Variants in LYN observed in about 807,000 individuals in gnomAD.
The protein encoded by LYN is LYN proto-oncogene, Src family tyrosine kinase, also known as tyrosine-protein kinase Lyn.
Under a neutral mutation model 65.0 loss-of-function variants are expected in LYN, and 12 were observed. The ratio of observed to expected loss-of-function variants is 0.18; its 90% CI spans 0.12 to 0.30. The LOEUF (loss-of-function observed/expected upper bound fraction) is 0.30, where lower values mean the gene tolerates loss of function less well. Among genes scored for constraint, LYN ranks in the 10% least tolerant of loss-of-function variants. The pLI is 1.00. For synonymous variants in LYN, 222 were observed against 221.2 expected, an observed-to-expected ratio of 1.00 and a Z score of -0.03; for missense variants, 380 against 623.2, an observed-to-expected ratio of 0.61 and a Z score of 4.16.
intron 10 of LYN, among the ~76,000 whole-genome samples, chr8:55,974,910 A>G (rs538440026): frequency 6.6e-6 from 1 of 152,252 alleles, no homozygotes; most frequent in Admixed American, 6.5e-5. Context: ...GGTGATTGAC[A>G]TGGTTTGCGG....
intron 10 of LYN, among the ~76,000 whole-genome samples, chr8:55,987,667 C>G (rs192353776): frequency 1.3e-5 from 2 of 152,240 alleles, no homozygotes; most frequent in African/African-American, 4.8e-5. Context: ...CCACCCACCT[C>G]GTCCTCCCAA....
intron 4 of LYN, 115 bp downstream of exon 4, chr8:55,947,838 A>T (rs969669217): frequency 1.4e-6 from 1 of 721,376 alleles, no homozygotes; most frequent in Admixed American, 2.2e-5. Flanking sequence ...CTTTCTTGTA[A>T]TGGGTATGAG....
At chr8:55,999,200 A>G (rs1271859609) in intron 11 of LYN, among the ~76,000 whole-genome samples, 1 of 152,220 alleles carries the variant, frequency 6.6e-6, no homozygotes, top group African/African-American at 2.4e-5. Context: ...GAAATTCCTA[A>G]GCATTGTTGA....
chr8:55,937,960 G>A (rs964381623), intron 1 of LYN, among the ~76,000 whole-genome samples: 5 of 152,150 alleles, frequency 3.3e-5, no homozygotes, highest in African/African-American at 1.2e-4. Flanking sequence ...GCCTCCCAAA[G>A]TTCTGGGATT....
In LYN at chr8:55,986,965, C is replaced by T. The variant is rs201965711; in HGVS notation, c.1051-11381C>T. Among the ~76,000 whole-genome samples the T allele has an allele frequency of 3.3e-5, 5 of 152,282 alleles. No homozygotes were observed. In the East Asian group the frequency reaches 9.6e-4, roughly 29 times the overall value. Reference sequence around the variant, plus strand: ...TTCTGAACTCAAGTGATCCTTCCTGCTAGTCCTCACAAAGCACTGGGATTA... The same window carrying T: ...TTCTGAACTCAAGTGATCCTTCCTGTTAGTCCTCACAAAGCACTGGGATTA... On this transcript the variant is annotated intron_variant, in intron 10 of 12. Transcript: ENST00000519728.
rs553899683 is a variant in LYN at position 55,993,673 on chromosome 8, A to G, written c.1051-4673A>G. ...TTAAGATGAAACATGAATTGAGTGT[A>G]AAGGATGTGAAGCAGTGTTTGGTGT... On this transcript the variant is annotated intron_variant, in intron 10 of 12. Transcript: ENST00000519728. Among the ~76,000 whole-genome samples, 83 of 152,374 alleles carry G rather than the reference A, an allele frequency of 5.4e-4. 1 individual carries two copies. The highest frequency in any genetic ancestry group is 1.8e-3 in the African/African-American group (76 of 41,590).
At chr8:55,993,337 G>A (rs546601281) in intron 10 of LYN, among the ~76,000 whole-genome samples, 5 of 152,260 alleles carry the variant, frequency 3.3e-5, no homozygotes, top group Non-Finnish European at 5.9e-5. Context: ...GGTGAAATTT[G>A]TACTTAACAA....
intron 1 of LYN, among the ~76,000 whole-genome samples, chr8:55,892,683 C>T (rs75467789): frequency 1.4e-3 from 211 of 152,136 alleles, no homozygotes; most frequent in Non-Finnish European, 2.5e-3. Context: ...CCTGGGATTA[C>T]GAGCATGAGC....
At chr8:55,988,416 A>G (rs1430429154) in intron 10 of LYN, among the ~76,000 whole-genome samples, 1 of 151,982 alleles carries the variant, frequency 6.6e-6, no homozygotes, top group Non-Finnish European at 1.5e-5. Flanking sequence ...TTATAAAAAA[A>G]TCCTTTAGAG....
chr8:55,907,412 G>A (rs1805457914), intron 1 of LYN, among the ~76,000 whole-genome samples: 1 of 152,212 alleles, frequency 6.6e-6, no homozygotes, highest in African/African-American at 2.4e-5. Flanking sequence ...AGGGTCATGA[G>A]AGGGGATGCC....
chr8:56,005,305 G>C (rs1271377107), intron 12 of LYN, among the ~76,000 whole-genome samples: 1 of 152,210 alleles, frequency 6.6e-6, no homozygotes, highest in East Asian at 1.9e-4. Context: ...CATGTCTTCA[G>C]TCTTTCTTCT....
intron 1 of LYN, among the ~76,000 whole-genome samples, chr8:55,939,402 A>G (rs1418641309): frequency 2.6e-5 from 4 of 152,146 alleles, no homozygotes; most frequent in Admixed American, 2.6e-4. Flanking sequence ...CCTGTCTTGG[A>G]TGTCACCACC....
chr8:55,948,272 C>A (rs898256823), intron 4 of LYN, among the ~76,000 whole-genome samples: 3 of 152,180 alleles, frequency 2.0e-5, no homozygotes, highest in African/African-American at 7.2e-5. Context: ...CCACACCCAG[C>A]CTGGTTTCTT....
chr8:55,998,910 A>C (rs1035160925), intron 11 of LYN, among the ~76,000 whole-genome samples: 2 of 152,264 alleles, frequency 1.3e-5, no homozygotes, highest in African/African-American at 4.8e-5. Flanking sequence ...AAACATGAAC[A>C]TTACCATACA....
At chr8:55,962,913 G>A (rs1807328955) in intron 8 of LYN, among the ~76,000 whole-genome samples, 1 of 152,230 alleles carries the variant, frequency 6.6e-6, no homozygotes. Flanking sequence ...CACAGTGAGA[G>A]CAAGAGAGTG....
intron 1 of LYN, among the ~76,000 whole-genome samples, chr8:55,899,593 A>G (rs904519532): frequency 1.3e-5 from 2 of 152,210 alleles, no homozygotes; most frequent in African/African-American, 4.8e-5. Context: ...TATTCAACCA[A>G]TCCTTATAAC....
At chr8:55,974,477 G>A (rs1807698028) in intron 10 of LYN, among the ~76,000 whole-genome samples, 1 of 152,174 alleles carries the variant, frequency 6.6e-6, no homozygotes, top group Admixed American at 6.5e-5. Context: ...TTTTTGAGTA[G>A]GAGGGCCTTT....
At chr8:55,882,495 C>T (rs1004712566) in intron 1 of LYN, among the ~76,000 whole-genome samples, 1 of 152,208 alleles carries the variant, frequency 6.6e-6, no homozygotes, top group African/African-American at 2.4e-5. Flanking sequence ...TAAATAAGGA[C>T]ACCATGTATA....
intron 1 of LYN, among the ~76,000 whole-genome samples, chr8:55,914,775 G>A (rs1394165553): frequency 1.3e-5 from 2 of 152,134 alleles, no homozygotes; most frequent in Admixed American, 6.5e-5. Context: ...AATAAGAAAG[G>A]CCAAGGAAGT....
Sources: allele counts gnomAD v4.1 joint callset (sites outside exome capture counted in the v4.1 genomes callset), GRCh38; gene constraint gnomAD v4.1.1; transcripts MANE v1.5; gene names NCBI Gene and HGNC (gene_info 2026-07-23, HGNC 2026-07-21).